The following SHLD1 variants were observed in gnomAD, a reference collection of about 807,000 sequenced individuals.
SHLD1 encodes shieldin complex subunit 1, also known as RINN1-REV7-interacting novel NHEJ regulator 3.
In SHLD1, 3 loss-of-function variants were observed where a neutral mutation model predicts 5.5. That is an observed-to-expected ratio of 0.54 (90% CI 0.25 to 1.40). SHLD1 has a LOEUF of 1.40. SHLD1 is among the 40% of genes most tolerant of loss of function. The pLI is 0.15. For synonymous variants in SHLD1, 92 were observed against 94.3 expected (o/e 0.98, Z 0.14); for missense variants, 210 against 244.4 (o/e 0.86, Z 0.94).
chr20:5,837,644 C>CTCGT (rs1440410228), intron 2 of SHLD1, among the ~76,000 whole-genome samples: 1 of 152,224 alleles, frequency 6.6e-6, no homozygotes, highest in Non-Finnish European at 1.5e-5. Flanking sequence ...AGGACATGAT[C>CTCGT]TCGTTCCTTT....
chr20:5,845,250 GC>G (rs1286037460), intron 2 of SHLD1, among the ~76,000 whole-genome samples: 1 of 152,190 alleles, frequency 6.6e-6, no homozygotes, highest in Non-Finnish European at 1.5e-5. Flanking sequence ...TGAGCACTTA[GC>G]ATGTGCTGGG....
At chr20:5,854,207 T>C (rs897879782) in intron 2 of SHLD1, among the ~76,000 whole-genome samples, 3 of 152,156 alleles carry the variant, frequency 2.0e-5, no homozygotes, top group African/African-American at 4.8e-5. Context: ...GGTTTCACCA[T>C]GTTGGTCAGG....
Position 5,772,754 on chromosome 20 carries a change from T to C in SHLD1, c.-4-108T>C, listed in dbSNP as rs193128244. The C allele has an allele frequency of 4.5e-5, 50 of 1,122,118 alleles. No individual in the cohort carries two copies. The African/African-American group carries it at 7.6e-4, about 17-fold the overall frequency. The allele number at this position is 1,122,118 out of a possible 1,614,324, so 69.5% of individuals were successfully genotyped here. On this transcript the variant is annotated intron_variant, in intron 1 of 2. Coordinates refer to ENST00000303142, the MANE Select transcript of SHLD1 (RefSeq NM_152504.4). The stretch of plus-strand genomic sequence containing the variant: ...TAGTGAGACCTGATCTCTACAAAAA[T>C]AAAAATAAAAATAAAAAACAAATAA...
At chr20:5,840,910 A>AT (rs868643214) in intron 2 of SHLD1, among the ~76,000 whole-genome samples, 1 of 119,636 alleles carries the variant, frequency 8.4e-6, no homozygotes, top group Admixed American at 7.7e-5. Context: ...CTGGATTGCT[A>AT]TTTCTTTTTT....
At chr20:5,755,412 T>C (rs1405321769) in intron 1 of SHLD1, among the ~76,000 whole-genome samples, 1 of 152,182 alleles carries the variant, frequency 6.6e-6, no homozygotes, top group African/African-American at 2.4e-5. Context: ...CATGAGAATT[T>C]AATGCCTGAT....
At chr20:5,787,833 A>G (rs184588473) in intron 2 of SHLD1, among the ~76,000 whole-genome samples, 1 of 152,368 alleles carries the variant, frequency 6.6e-6, no homozygotes, top group Admixed American at 6.5e-5. Flanking sequence ...TGATCTGTGT[A>G]GGATAATATA....
chr20:5,800,672 A>C (rs1054716694), intron 2 of SHLD1, among the ~76,000 whole-genome samples: 4 of 128,870 alleles, frequency 3.1e-5, no homozygotes, highest in Admixed American at 8.8e-5. Context: ...TGGGCAACAG[A>C]CCGAGACTGT....
intron 2 of SHLD1, among the ~76,000 whole-genome samples, chr20:5,804,479 G>A (rs1294508112): frequency 6.6e-6 from 1 of 151,882 alleles, no homozygotes; most frequent in Non-Finnish European, 1.5e-5. Flanking sequence ...GGCACCTGCA[G>A]GCTAATTTTG....
chr20:5,856,048 A>G (rs146052897), intron 2 of SHLD1, among the ~76,000 whole-genome samples: 1 of 152,230 alleles, frequency 6.6e-6, no homozygotes, highest in Non-Finnish European at 1.5e-5. Context: ...ATCTACTTGT[A>G]TATGTGTATA....
intron 2 of SHLD1, among the ~76,000 whole-genome samples, chr20:5,813,945 CTTTTTTTTTTTTT>C (rs143110037): frequency 1.4e-4 from 11 of 79,974 alleles, no homozygotes; most frequent in Non-Finnish European, 2.5e-4. Flanking sequence ...CCTTTTCTTT[CTTTTTTTTTTTTT>C]TTTTTTTTTT....
chr20:5,808,210 A>C (rs1351924467), intron 2 of SHLD1, among the ~76,000 whole-genome samples: 1 of 151,538 alleles, frequency 6.6e-6, no homozygotes, highest in Non-Finnish European at 1.5e-5. Flanking sequence ...AACCTGGGAC[A>C]CAGAGGTTGC....
chr20:5,756,689 CTT>C (rs35462391), intron 1 of SHLD1: 112 of 80,270 alleles, frequency 1.4e-3, no homozygotes, highest in South Asian at 8.1e-3. Context: ...TTCTTTCTTT[CTT>C]TTTTTTTTTT....
Position 5,851,618 on chromosome 20 carries a change from G to A in SHLD1, c.179-11406G>A, listed in dbSNP as rs1024168060. Among the ~76,000 whole-genome samples, 16 of 151,316 alleles carry A rather than the reference G, an allele frequency of 1.1e-4. No individual in the cohort carries two copies. The South Asian group carries it at 3.1e-3, about 30-fold the overall frequency. ...GTTTAAAACATAAAACAAAAAAGAAGAAAAAATAAAAACCTAAACTATTAA... is the reference window on the plus strand; with the variant it reads ...GTTTAAAACATAAAACAAAAAAGAAAAAAAAATAAAAACCTAAACTATTAA... On this transcript the variant is annotated intron_variant, in intron 2 of 2. Transcript: ENST00000303142.
At chr20:5,843,569 T>C (rs2087892988) in intron 2 of SHLD1, among the ~76,000 whole-genome samples, 3 of 152,212 alleles carry the variant, frequency 2.0e-5, no homozygotes, top group Admixed American at 2.0e-4. Flanking sequence ...TGTGTGGACG[T>C]TGAAGCTGAC....
chr20:5,785,199 A>C (rs1216402443), intron 2 of SHLD1, among the ~76,000 whole-genome samples: 2 of 152,268 alleles, frequency 1.3e-5, no homozygotes, highest in Non-Finnish European at 2.9e-5. Context: ...GATAAAGGCT[A>C]TACACAAGGG....
chr20:5,779,706 G>T (rs1321051345), intron 2 of SHLD1, among the ~76,000 whole-genome samples: 1 of 152,132 alleles, frequency 6.6e-6, no homozygotes, highest in Non-Finnish European at 1.5e-5. Flanking sequence ...CAGTTGGAGG[G>T]TCATTCAGGG....
At chr20:5,765,355 T>TA (rs1347168194) in intron 1 of SHLD1, among the ~76,000 whole-genome samples, 1 of 152,120 alleles carries the variant, frequency 6.6e-6, no homozygotes, top group Non-Finnish European at 1.5e-5. Flanking sequence ...AAGTGATTCT[T>TA]CTGCCTGAGC....
At chr20:5,764,136 AAAAATAT>A (rs1289814422) in intron 1 of SHLD1, among the ~76,000 whole-genome samples, 1 of 80,178 alleles carries the variant, frequency 1.2e-5, no homozygotes, top group Non-Finnish European at 2.2e-5. Context: ...CAAAAAAAAA[AAAAATAT>A]ATATATATTT....
intron 2 of SHLD1, among the ~76,000 whole-genome samples, chr20:5,794,378 T>C (rs887990053): frequency 1.3e-5 from 2 of 152,128 alleles, no homozygotes; most frequent in Admixed American, 6.6e-5. Flanking sequence ...CTTTCAGGAG[T>C]CTAAGACTTC....
Sources: allele counts gnomAD v4.1 joint callset (sites outside exome capture counted in the v4.1 genomes callset), GRCh38; gene constraint gnomAD v4.1.1; transcripts MANE v1.5; gene names NCBI Gene and HGNC (gene_info 2026-07-23, HGNC 2026-07-21).